PGBD2: variants seen among roughly 807,000 people sequenced by gnomAD.
PGBD2 encodes piggyBac transposable element-derived protein 2.
Under a neutral mutation model 8.1 loss-of-function variants are expected in PGBD2, and 6 were observed. The observed-to-expected ratio is 0.74, with a 90% CI of 0.40 to 1.46. The LOEUF (loss-of-function observed/expected upper bound fraction) is 1.46, where lower values mean the gene tolerates loss of function less well. Ranked by LOEUF, PGBD2 falls within the 40% of genes most tolerant of loss-of-function variation. The pLI, the probability that PGBD2 is intolerant of heterozygous loss-of-function variation, is 0.02. For missense variants in PGBD2, 802 were observed against 739.0 expected, an observed-to-expected ratio of 1.09 and a Z score of -0.99; for synonymous variants, 318 against 272.2, an observed-to-expected ratio of 1.17 and a Z score of -1.66.
downstream of PGBD2, among the ~76,000 whole-genome samples, chr1:248,922,601 A>G (rs186795938): frequency 2.0e-5 from 3 of 152,288 alleles, no homozygotes; most frequent in Admixed American, 2.0e-4. Context: ...GTTTGTCATA[A>G]ACAGCTCTTA....
chr1:248,876,208 A>G, the PGBD2 span, among the ~76,000 whole-genome samples: 1 of 152,058 alleles, frequency 6.6e-6, no homozygotes, highest in African/African-American at 2.4e-5. Context: ...GGGTTTCTCC[A>G]CATTGGCCAG....
chr1:248,873,773 G>A, the PGBD2 span, among the ~76,000 whole-genome samples: 1 of 152,340 alleles, frequency 6.6e-6, no homozygotes, highest in African/African-American at 2.4e-5. Flanking sequence ...GGTTCCCACG[G>A]CCGCAACTCG....
In PGBD2 at chr1:248,917,324, C is replaced by T. The variant is rs1259323282; in HGVS notation, c.740C>T (p.Pro247Leu). Reference protein sequence around the residue: ...DASDRFAKVRPLIIRMNCNFQ... With the variant: ...DASDRFAKVRLLIIRMNCNFQ... ...AGTGATAGGTTTGCCAAGGTCAGAC[C>T]TCTCATCATCCGGATGAACTGCAAT... Residue 247 changes from proline (P) to leucine (L), a missense_variant, in exon 3 of 3, where the codon CCT becomes CTT. Transcript: ENST00000329291. The T allele has an allele frequency of 2.5e-6, 4 of 1,614,044 alleles. No homozygotes were observed. Among genetic ancestry groups the T allele is most frequent in the South Asian group, 1.1e-5 (1 of 91,088 alleles).
the PGBD2 span, among the ~76,000 whole-genome samples, chr1:248,885,011 G>A: frequency 6.6e-6 from 1 of 152,108 alleles, no homozygotes; most frequent in Non-Finnish European, 1.5e-5. Context: ...GTAAAATGAG[G>A]TGTATCCTAC....
chr1:248,926,879 C>A, the PGBD2 span, among the ~76,000 whole-genome samples: 1 of 152,194 alleles, frequency 6.6e-6, no homozygotes, highest in Non-Finnish European at 1.5e-5. Context: ...TGGCAGAGAT[C>A]TACAGATTTG....
the PGBD2 span, among the ~76,000 whole-genome samples, chr1:248,873,105 C>G: frequency 2.0e-5 from 3 of 152,208 alleles, no homozygotes; most frequent in Non-Finnish European, 4.4e-5. Flanking sequence ...CCAGTGGACA[C>G]TCGATGTTAA....
chr1:248,873,136 G>A, the PGBD2 span, among the ~76,000 whole-genome samples: 1 of 151,678 alleles, frequency 6.6e-6, no homozygotes, highest in Admixed American at 6.6e-5. Context: ...ATGAATGCCT[G>A]GACGAGTGGT....
chr1:248,881,896 T>C, the PGBD2 span, among the ~76,000 whole-genome samples: 1 of 152,232 alleles, frequency 6.6e-6, no homozygotes, highest in Non-Finnish European at 1.5e-5. Context: ...GTTCCTCTAG[T>C]TTCCTTTAAT....
At chr1:248,902,732 C>T (rs1000906851), upstream of PGBD2, among the ~76,000 whole-genome samples, 3 of 151,296 alleles carry the variant, frequency 2.0e-5, no homozygotes, top group African/African-American at 7.3e-5. Flanking sequence ...TTATCCTCAG[C>T]AAACTAATGT....
rs764161968 is a variant in PGBD2, at chr1:248,917,661, G to A, written c.1077G>A (p.Leu359=). ...FFDKVFTSVK[L]MSILRKKGVK... Reference sequence around the variant, plus strand: ...ACAAGGTTTTCACAAGTGTTAAACTGATGTCCATTTTGAGGAAAAAGGGGG... The same window carrying A: ...ACAAGGTTTTCACAAGTGTTAAACTAATGTCCATTTTGAGGAAAAAGGGGG... Residue 359 remains leucine, a synonymous_variant, in exon 3 of 3, where the codon CTG becomes CTA. Coordinates refer to ENST00000329291, the MANE Select transcript of PGBD2 (RefSeq NM_170725.3). 5.6e-6 allele frequency: 9 copies of A among 1,614,218 alleles called. 1 individual carries two copies. The South Asian group carries it at 9.9e-5, about 18-fold the overall frequency.
chr1:248,877,248 G>C, the PGBD2 span, among the ~76,000 whole-genome samples: 1 of 152,248 alleles, frequency 6.6e-6, no homozygotes, highest in African/African-American at 2.4e-5. Flanking sequence ...GCCTGTTTTA[G>C]TTTCTGTTAC....
At chr1:248,909,050 A>G (rs74523049) in intron 1 of PGBD2, among the ~76,000 whole-genome samples, 1 of 152,214 alleles carries the variant, frequency 6.6e-6, no homozygotes, top group East Asian at 1.9e-4. Context: ...TAGATACTTC[A>G]GATGTTTGCC....
the PGBD2 span, among the ~76,000 whole-genome samples, chr1:248,900,499 G>A: frequency 3.3e-5 from 5 of 152,080 alleles, no homozygotes; most frequent in Non-Finnish European, 5.9e-5. Context: ...AAACCACATG[G>A]TTGTCGCAAT....
chr1:248,921,685 G>A (rs1246291151), downstream of PGBD2, among the ~76,000 whole-genome samples: 1 of 152,166 alleles, frequency 6.6e-6, no homozygotes, highest in Non-Finnish European at 1.5e-5. Context: ...GTCAGTGTTA[G>A]CTCGATGTGG....
chr1:248,911,652 GGC>G (rs1468532288), intron 1 of PGBD2, among the ~76,000 whole-genome samples: 3 of 148,102 alleles, frequency 2.0e-5, no homozygotes, highest in Non-Finnish European at 2.9e-5. Context: ...CAGACGGGGC[GGC>G]TGGCCGGGCA....
At chr1:248,896,638 A>C in the PGBD2 span, among the ~76,000 whole-genome samples, 3 of 152,072 alleles carry the variant, frequency 2.0e-5, no homozygotes, top group Non-Finnish European at 4.4e-5. Context: ...CCTACAAAAA[A>C]CTTTTAGAGG....
intron 1 of PGBD2, among the ~76,000 whole-genome samples, chr1:248,908,178 T>C (rs1360821900): frequency 6.6e-6 from 1 of 152,206 alleles, no homozygotes; most frequent in Non-Finnish European, 1.5e-5. Flanking sequence ...CATTTAGTTG[T>C]CCTGTCTTTC....
downstream of PGBD2, among the ~76,000 whole-genome samples, chr1:248,920,116 A>G (rs1467232742): frequency 6.6e-6 from 1 of 151,978 alleles, no homozygotes; most frequent in East Asian, 1.9e-4. Flanking sequence ...AGCTCAAGTG[A>G]TTTGCCCACC....
chr1:248,873,964 TCGTTTTATTAG>T, the PGBD2 span, among the ~76,000 whole-genome samples: 1 of 152,236 alleles, frequency 6.6e-6, no homozygotes, highest in South Asian at 2.1e-4. Context: ...TCTGACACAT[TCGTTTTATTAG>T]CATTTTATTC....
Sources: gnomAD v4.1 joint callset for allele counts (sites outside exome capture counted in the v4.1 genomes callset) on GRCh38, gnomAD v4.1.1 for gene constraint, MANE v1.5 for transcripts, NCBI Gene and HGNC (gene_info 2026-07-23, HGNC 2026-07-21) for gene names.